NUDT3: variants seen among roughly 807,000 people sequenced by gnomAD.
The protein encoded by NUDT3 is nudix hydrolase 3.
A neutral mutation model predicts 23.6 loss-of-function variants in NUDT3; 9 were observed. That is an observed-to-expected ratio of 0.38 (90% CI 0.23 to 0.66). NUDT3 has a LOEUF of 0.66. Ranked by LOEUF, NUDT3 falls within the 30% of genes least tolerant of loss-of-function variation. The pLI, the probability that NUDT3 is intolerant of heterozygous loss-of-function variation, is 0.52. For missense variants in NUDT3, 172 were observed against 218.5 expected, an observed-to-expected ratio of 0.79 and a Z score of 1.34; for synonymous variants, 86 against 82.6, an observed-to-expected ratio of 1.04 and a Z score of -0.22.
At chr6:34,335,729 G>GT (rs971716441) in intron 2 of NUDT3, among the ~76,000 whole-genome samples, 3 of 148,548 alleles carry the variant, frequency 2.0e-5, no homozygotes, top group Admixed American at 1.3e-4. Flanking sequence ...AAAAAAAAGT[G>GT]TTTTTTTCTT....
At chr6:34,349,748 A>G (rs1198532615) in intron 1 of NUDT3, among the ~76,000 whole-genome samples, 1 of 150,368 alleles carries the variant, frequency 6.7e-6, no homozygotes, top group Admixed American at 6.6e-5. Context: ...GCATAGATAT[A>G]CTCCAGAGAT....
At chr6:34,389,737 G>A (rs1765164668) in intron 1 of NUDT3, among the ~76,000 whole-genome samples, 1 of 152,156 alleles carries the variant, frequency 6.6e-6, no homozygotes, top group African/African-American at 2.4e-5. Flanking sequence ...GCCAACGCGG[G>A]TGGATCATGA....
chr6:34,383,978 G>A (rs1160702436), intron 1 of NUDT3, among the ~76,000 whole-genome samples: 1 of 152,090 alleles, frequency 6.6e-6, no homozygotes, highest in African/African-American at 2.4e-5. Flanking sequence ...AATATTGAAC[G>A]GTGACCAAGA....
In NUDT3 at chr6:34,334,259, A is replaced by G. The variant is rs144479030; in HGVS notation, c.210+7603T>C. Among the ~76,000 whole-genome samples, 667 of 152,350 alleles carry G rather than the reference A, an allele frequency of 4.4e-3. 2 individuals carry two copies. Among genetic ancestry groups the G allele is most frequent in the African/African-American group, 0.015 (633 of 41,574 alleles). On this transcript the variant is annotated intron_variant, in intron 2 of 4. Transcript: ENST00000607016. ...GGGCACATTGCAGTTGCATTTCTGTAGCTGTTCTAACAGTGAGGTCAATAA... is the reference window on the plus strand; with the variant it reads ...GGGCACATTGCAGTTGCATTTCTGTGGCTGTTCTAACAGTGAGGTCAATAA...
At chr6:34,349,090 G>A (rs972381793) in intron 1 of NUDT3, among the ~76,000 whole-genome samples, 13 of 151,912 alleles carry the variant, frequency 8.6e-5, no homozygotes, top group African/African-American at 2.7e-4. Flanking sequence ...TTGTAGAGAC[G>A]GTGTTTTGCC....
At chr6:34,392,019 G>A (rs9461981) in intron 1 of NUDT3, among the ~76,000 whole-genome samples, 102,317 of 152,076 alleles carry the variant, frequency 0.67, 36,083 homozygotes, top group Non-Finnish European at 0.8. Context: ...GAAGCGCTCC[G>A]GCCACAAGCC....
In NUDT3 at chr6:34,308,460, C is replaced by CAA. The variant is rs1183799403; in HGVS notation, c.211-12777_211-12776dup. Among the ~76,000 whole-genome samples, 713 of 81,942 alleles carry CAA rather than the reference C, an allele frequency of 8.7e-3. 7 individuals carry two copies. The highest frequency in any genetic ancestry group is 0.022 in the African/African-American group (575 of 25,932). The allele number at this position is 81,942 out of a possible 152,430, so 53.8% of individuals were successfully genotyped here. A position where few individuals can be genotyped will look rare whatever the true frequency, so the allele number is the denominator to read the frequency against. On this transcript the variant is annotated intron_variant, in intron 2 of 4. Coordinates refer to ENST00000607016, the MANE Select transcript of NUDT3 (RefSeq NM_006703.4). ...TGGGAGACAGCGTGAGATCGTCTCT[C>CAA]AAAAAAAAAAAAAAAAAATACTGAG... is the stretch of plus-strand genomic sequence containing the variant.
At chr6:34,327,660 C>T (rs1386238301) in intron 2 of NUDT3, among the ~76,000 whole-genome samples, 3 of 152,152 alleles carry the variant, frequency 2.0e-5, no homozygotes, top group East Asian at 1.9e-4. Context: ...AGGAGCGTGA[C>T]CACTGAAGCA....
At chr6:34,310,393 G>C (rs1047774736) in intron 2 of NUDT3, among the ~76,000 whole-genome samples, 1 of 152,056 alleles carries the variant, frequency 6.6e-6, no homozygotes, top group African/African-American at 2.4e-5. Context: ...AGCCGGGCGC[G>C]GTGGTACATG....
chr6:34,389,888 C>T (rs182835177), intron 1 of NUDT3, among the ~76,000 whole-genome samples: 13 of 151,756 alleles, frequency 8.6e-5, no homozygotes, highest in East Asian at 5.8e-4. Context: ...GGCGTGAATC[C>T]GGGAGGCGGA....
Position 34,362,766 on chromosome 6 carries a change from T to G in NUDT3, c.100-20794A>C, listed in dbSNP as rs144483172. Among the ~76,000 whole-genome samples the G allele has an allele frequency of 4.3e-3, 662 of 152,242 alleles. 2 individuals are homozygous for G. The highest frequency in any genetic ancestry group is 0.015 in the African/African-American group (628 of 41,534). ...TCTCTGCGCCTGGCCCCAAGTTCTATTCATGTAAATATAACCTAATTAAAT... is the reference window on the plus strand; with the variant it reads ...TCTCTGCGCCTGGCCCCAAGTTCTAGTCATGTAAATATAACCTAATTAAAT... On this transcript the variant is annotated intron_variant, in intron 1 of 4. Transcript: ENST00000607016.
chr6:34,288,534 CA>C lies in NUDT3; in HGVS notation c.*218del. On this transcript the variant is annotated 3_prime_UTR_variant, in exon 5 of 5. Transcript: ENST00000607016. ...GACAGATCATGCACAAAAGTACTTA[CA>C]AATTACACACCCAACCCCCACCCTC... The C allele has an allele frequency of 1.7e-6, 1 of 581,610 alleles. No individual in the cohort carries two copies. The highest frequency in any genetic ancestry group is 2.8e-6 in the Non-Finnish European group (1 of 353,546). 36.0% of individuals were successfully genotyped at this position (581,610 alleles called of 1,614,324 possible). A position where few individuals can be genotyped will look rare whatever the true frequency, so the allele number is the denominator to read the frequency against.
At position 34,284,536 on chromosome 6, in the gene NUDT3, T is replaced by C. The variant is rs1292590231; in HGVS notation, c.*4217A>G. On this transcript the variant is annotated 3_prime_UTR_variant, in exon 5 of 5. Transcript: ENST00000607016. ...GAATGTGGCTTAGGCTAAGCTGTTT[T>C]TTTTTTTTTTTTTTTAAAGATGAGG... is the stretch of plus-strand genomic sequence containing the variant. The C allele has an allele frequency of 6.6e-6, 1 of 151,652 alleles. No homozygotes were observed. The highest frequency in any genetic ancestry group is 2.4e-5 in the African/African-American group (1 of 41,322). 9.4% of individuals were successfully genotyped at this position (151,652 alleles called of 1,614,324 possible). A position where few individuals can be genotyped will look rare whatever the true frequency, so the allele number is the denominator to read the frequency against.
At chr6:34,384,502 G>C (rs1331939430) in intron 1 of NUDT3, among the ~76,000 whole-genome samples, 3 of 152,114 alleles carry the variant, frequency 2.0e-5, no homozygotes, top group Non-Finnish European at 4.4e-5. Context: ...GCCTTTCTAA[G>C]AGTACAAACA....
At chr6:34,353,354 T>C (rs1051642153) in intron 1 of NUDT3, among the ~76,000 whole-genome samples, 1 of 152,184 alleles carries the variant, frequency 6.6e-6, no homozygotes, top group African/African-American at 2.4e-5. Flanking sequence ...GAAAATATAA[T>C]GAATTCCTAA....
intron 2 of NUDT3, among the ~76,000 whole-genome samples, chr6:34,311,111 A>G (rs1763765449): frequency 1.3e-5 from 2 of 152,312 alleles, no homozygotes; most frequent in African/African-American, 4.8e-5. Flanking sequence ...CCAGAAGCTT[A>G]ATGGTGAGAA....
intron 1 of NUDT3, among the ~76,000 whole-genome samples, chr6:34,388,574 C>T (rs1275208207): frequency 6.6e-6 from 1 of 152,114 alleles, no homozygotes; most frequent in Admixed American, 6.5e-5. Context: ...AATTACTTCC[C>T]TTCCAACATA....
Position 34,352,486 on chromosome 6 carries a change from TAAAC to T in NUDT3, c.100-10518_100-10515del, listed in dbSNP as rs1764493308. On this transcript the variant is annotated intron_variant, in intron 1 of 4. Coordinates refer to ENST00000607016, the MANE Select transcript of NUDT3 (RefSeq NM_006703.4). ...TCCCTGGGCCTTGAGCTTATTTTAA[TAAAC>T]AAAGCCACAGCAACATTTCCTGACA... 2.6e-5 allele frequency among the ~76,000 whole-genome samples: 4 copies of T among 152,192 alleles called. No homozygotes were observed. The South Asian group carries it at 8.3e-4, about 32-fold the overall frequency.
chr6:34,341,994 A>G lies in NUDT3; in HGVS notation c.100-22T>C, dbSNP rs191876353. 5 of 1,602,174 alleles carry G rather than the reference A, an allele frequency of 3.1e-6. No homozygotes were observed. In the Admixed American group the frequency reaches 5.2e-5, roughly 17 times the overall value. ...GCACCTGTTAAGTCACAAAGGTTGC[A>G]TGGGGGGGTTAAAAATTCAAAGACA... On this transcript the variant is annotated intron_variant, in intron 1 of 4. Transcript: ENST00000607016.
Sources: allele counts gnomAD v4.1 joint callset (sites outside exome capture counted in the v4.1 genomes callset), GRCh38; gene constraint gnomAD v4.1.1; transcripts MANE v1.5; gene names NCBI Gene and HGNC (gene_info 2026-07-23, HGNC 2026-07-21).